The following PID1 variants were observed in gnomAD, a reference collection of about 807,000 sequenced individuals.
PID1 encodes phosphotyrosine interaction domain containing 1, also known as PTB-containing, cubilin and LRP1-interacting protein.
In PID1, 10 loss-of-function variants were observed where a neutral mutation model predicts 19.1. The ratio of observed to expected loss-of-function variants is 0.52; its 90% CI spans 0.32 to 0.89. The LOEUF is 0.89. Ranked by LOEUF, PID1 falls within the 40% of genes least tolerant of loss-of-function variation. The pLI is 0.03. For synonymous variants in PID1, 130 were observed against 116.0 expected (o/e 1.12, Z -0.78); for missense variants, 248 against 285.3 (o/e 0.87, Z 0.94).
Position 229,240,556 on chromosome 2 carries a change from A to G in PID1, c.30+30458T>C, listed in dbSNP as rs139220259. Among the ~76,000 whole-genome samples the G allele has an allele frequency of 1.4e-4, 22 of 152,038 alleles. No homozygotes were observed. In the East Asian group the frequency reaches 1.7e-3, roughly 12 times the overall value. ...TCATTCCCATTGCCTCCTCCTTTCC[A>G]TTATTTCTGATAAGTTAGTGAATAT... On this transcript the variant is annotated intron_variant, in intron 1 of 2. Transcript: ENST00000392055.
At position 229,132,742 on chromosome 2, in the gene PID1, A is replaced by G. The variant is rs368069983; in HGVS notation, c.177+23076T>C. 1.5e-4 allele frequency among the ~76,000 whole-genome samples: 23 copies of G among 152,348 alleles called. No homozygotes were observed. The East Asian group carries it at 3.9e-3, about 26-fold the overall frequency. On this transcript the variant is annotated intron_variant, in intron 2 of 2. Transcript: ENST00000392055. Reference sequence around the variant, plus strand: ...ACCATGGTAACAAATTATCTGACCCACCCAATTCAATATGTAATTCCAAAT... The same window carrying G: ...ACCATGGTAACAAATTATCTGACCCGCCCAATTCAATATGTAATTCCAAAT...
intron 1 of PID1, among the ~76,000 whole-genome samples, chr2:229,174,627 A>T (rs1401046378): frequency 6.6e-6 from 1 of 151,452 alleles, no homozygotes; most frequent in Non-Finnish European, 1.5e-5. Context: ...AGTACCACAG[A>T]TATACTGTGT....
chr2:229,192,193 G>C (rs1028997027), intron 1 of PID1, among the ~76,000 whole-genome samples: 15 of 152,148 alleles, frequency 9.9e-5, no homozygotes, highest in African/African-American at 3.6e-4. Flanking sequence ...TACACAACAC[G>C]GTTTGACAGT....
At chr2:229,230,165 G>C (rs1244478638) in intron 1 of PID1, among the ~76,000 whole-genome samples, 1 of 152,194 alleles carries the variant, frequency 6.6e-6, no homozygotes, top group Admixed American at 6.5e-5. Context: ...ATCTAAAAGA[G>C]AGTAATTGTT....
intron 2 of PID1, among the ~76,000 whole-genome samples, chr2:229,091,366 GA>G (rs35599164): frequency 1.1e-3 from 156 of 141,072 alleles, no homozygotes; most frequent in Non-Finnish European, 1.6e-3. Flanking sequence ...CTCTGGTAAA[GA>G]AAAAAAAAAA....
At chr2:229,114,113 T>C (rs372118688) in intron 2 of PID1, among the ~76,000 whole-genome samples, 39 of 138,920 alleles carry the variant, frequency 2.8e-4, no homozygotes, top group South Asian at 1.5e-3. Flanking sequence ...CTCTCTCTCT[T>C]TCTCTCTCTC....
chr2:229,128,596 G>A (rs183720379), intron 2 of PID1, among the ~76,000 whole-genome samples: 5 of 151,862 alleles, frequency 3.3e-5, no homozygotes, highest in East Asian at 3.9e-4. Flanking sequence ...TTAGACAAAC[G>A]CTATACAAAG....
intron 1 of PID1, among the ~76,000 whole-genome samples, chr2:229,172,792 C>T (rs1473887788): frequency 2.0e-5 from 3 of 152,086 alleles, no homozygotes; most frequent in South Asian, 2.1e-4. Flanking sequence ...AGTGCAATGG[C>T]GTAATCTCAG....
intron 2 of PID1, among the ~76,000 whole-genome samples, chr2:229,058,727 GA>G (rs5839294): frequency 0.014 from 1,933 of 134,750 alleles, 45 homozygotes; most frequent in African/African-American, 0.049. Context: ...GTAATAATTT[GA>G]AAAAAAAAAA....
intron 2 of PID1, among the ~76,000 whole-genome samples, chr2:229,068,947 CCTCT>C (rs140885298): frequency 3.3e-5 from 5 of 151,428 alleles, no homozygotes; most frequent in Non-Finnish European, 5.9e-5. Context: ...TTGCCCAATC[CCTCT>C]CTCTCTCTCA....
intron 1 of PID1, among the ~76,000 whole-genome samples, chr2:229,264,110 C>G (rs913958485): frequency 1.3e-5 from 2 of 152,206 alleles, no homozygotes; most frequent in African/African-American, 4.8e-5. Context: ...CTGACCACAG[C>G]ACCCCTTCTC....
In PID1 at chr2:229,139,146, A is replaced by AAAGAAAGAAAGAAAGAAAGAAAGCAAGC. The variant is rs1293626727; in HGVS notation, c.177+16671_177+16672insGCTTGCTTTCTTTCTTTCTTTCTTTCTT. On this transcript the variant is annotated intron_variant, in intron 2 of 2. Coordinates refer to ENST00000392055, the MANE Select transcript of PID1 (RefSeq NM_001100818.2). ...GAAAGAAAGAAAGAAAGAAAGAAAG[A>AAAGAAAGAAAGAAAGAAAGAAAGCAAGC]AAGCAAGCGAGCGAGCAAGCGAGCT... is the stretch of plus-strand genomic sequence containing the variant. Among the ~76,000 whole-genome samples, 9 of 109,034 alleles carry AAAGAAAGAAAGAAAGAAAGAAAGCAAGC rather than the reference A, an allele frequency of 8.3e-5. 1 individual carries two copies. The highest frequency in any genetic ancestry group is 2.6e-4 in the Admixed American group (3 of 11,688). 71.5% of individuals were successfully genotyped at this position (109,034 alleles called of 152,430 possible).
chr2:229,155,907 G>A lies in PID1; in HGVS notation c.88C>T (p.Leu30Phe). 3.7e-6 allele frequency: 6 copies of A among 1,613,998 alleles called. No individual in the cohort carries two copies. Among genetic ancestry groups the A allele is most frequent in the Non-Finnish European group, 5.1e-6 (6 of 1,179,972 alleles). The change falls in exon 2 of 3, where the codon CTC becomes TTC. Residue 30 changes from leucine (L) to phenylalanine (F), a missense_variant. Physicochemically the swap from Leu to Phe is conservative, Grantham distance 22. Coordinates refer to ENST00000392055, the MANE Select transcript of PID1 (RefSeq NM_001100818.2). ...GGCTCATGGAAGATGACCGCTGGGA[G>A]AGGTTCCTTTTTCAGTGTTAAGACA... ...LNVLTLKKEPLPAVIFHEPEA... is the reference protein window; with the variant it reads ...LNVLTLKKEPFPAVIFHEPEA...
chr2:229,227,441 T>A (rs774089789), intron 1 of PID1, among the ~76,000 whole-genome samples: 1 of 152,194 alleles, frequency 6.6e-6, no homozygotes, highest in Admixed American at 6.5e-5. Flanking sequence ...CTATTTCCAG[T>A]GACAGCAGAT....
At chr2:229,126,147 A>G (rs1195256872) in intron 2 of PID1, among the ~76,000 whole-genome samples, 5 of 152,228 alleles carry the variant, frequency 3.3e-5, no homozygotes, top group Non-Finnish European at 7.3e-5. Flanking sequence ...ATGCAACAGT[A>G]AATGCCTCTT....
At chr2:229,118,280 T>C (rs530967917) in intron 2 of PID1, among the ~76,000 whole-genome samples, 2 of 152,336 alleles carry the variant, frequency 1.3e-5, no homozygotes, top group South Asian at 4.1e-4. Flanking sequence ...TTTGGAAATG[T>C]TCCCACACTC....
chr2:229,092,321 G>A (rs1694892947), intron 2 of PID1, among the ~76,000 whole-genome samples: 1 of 152,142 alleles, frequency 6.6e-6, no homozygotes, highest in African/African-American at 2.4e-5. Flanking sequence ...GGAATCACTT[G>A]AGCATAGAGA....
intron 1 of PID1, among the ~76,000 whole-genome samples, chr2:229,190,408 T>C (rs1246548183): frequency 6.6e-6 from 1 of 152,200 alleles, no homozygotes; most frequent in Non-Finnish European, 1.5e-5. Flanking sequence ...ATTCCTGGCA[T>C]TTGGCATGAG....
chr2:229,219,774 AC>A (rs1363851228), intron 1 of PID1, among the ~76,000 whole-genome samples: 1 of 151,344 alleles, frequency 6.6e-6, no homozygotes, highest in African/African-American at 2.4e-5. Flanking sequence ...TCCCACCTGG[AC>A]CTCTCAAAGC....
Sources: allele counts gnomAD v4.1 joint callset (sites outside exome capture counted in the v4.1 genomes callset), GRCh38; gene constraint gnomAD v4.1.1; transcripts MANE v1.5; gene names NCBI Gene and HGNC (gene_info 2026-07-23, HGNC 2026-07-21).